Variants in LGSN observed in about 807,000 individuals in gnomAD.
LGSN encodes lengsin, lens protein with glutamine synthetase domain, also known as lengsin.
A neutral mutation model predicts 19.5 loss-of-function variants in LGSN; 21 were observed. The ratio of observed to expected loss-of-function variants is 1.07; its 90% confidence interval spans 0.76 to 1.55. The LOEUF (loss-of-function observed/expected upper bound fraction) is 1.55. Ranked by LOEUF, LGSN falls within the 40% of genes most tolerant of loss-of-function variation. The pLI is 0.00. For missense variants in LGSN, 673 were observed against 608.5 expected (o/e 1.11, Z -1.12); for synonymous variants, 257 against 215.6 (o/e 1.19, Z -1.68).
At chr6:63,355,630 G>T in the LGSN span, among the ~76,000 whole-genome samples, 1 of 152,094 alleles carries the variant, frequency 6.6e-6, no homozygotes. Context: ...TCGTTTGCTG[G>T]CAATCTTTGG....
intron 1 of LGSN, among the ~76,000 whole-genome samples, chr6:63,318,596 G>A (rs779723686): frequency 5.3e-5 from 8 of 152,138 alleles, no homozygotes; most frequent in East Asian, 1.9e-4. Context: ...GACAGAGAAT[G>A]TCTCTTGCTG....
chr6:63,557,081 G>A, the LGSN span, among the ~76,000 whole-genome samples: 52 of 152,264 alleles, frequency 3.4e-4, no homozygotes, highest in African/African-American at 1.2e-3. Flanking sequence ...ACTGTGTTAA[G>A]CACAGGGAAA....
At chr6:63,470,348 C>A in the LGSN span, among the ~76,000 whole-genome samples, 1 of 151,942 alleles carries the variant, frequency 6.6e-6, no homozygotes, top group African/African-American at 2.4e-5. Flanking sequence ...GTTATGTGCA[C>A]CTGTAGTCTC....
the LGSN span, among the ~76,000 whole-genome samples, chr6:63,502,642 C>G: frequency 1.3e-5 from 2 of 152,158 alleles, no homozygotes; most frequent in Non-Finnish European, 1.5e-5. Context: ...TATGATTTAT[C>G]AAGATACTCT....
chr6:63,442,360 C>G, the LGSN span, among the ~76,000 whole-genome samples: 2 of 152,308 alleles, frequency 1.3e-5, no homozygotes, highest in South Asian at 2.1e-4. Flanking sequence ...GCTGCTAGCT[C>G]GGGCAGCCTG....
chr6:63,488,265 A>T, the LGSN span, among the ~76,000 whole-genome samples: 1 of 152,160 alleles, frequency 6.6e-6, no homozygotes, highest in African/African-American at 2.4e-5. Flanking sequence ...CTCTAGATAT[A>T]TTATGTCATT....
Position 63,276,979 on chromosome 6 carries a change from C to G in LGSN, c.*3042G>C, listed in dbSNP as rs2053573324. 6.6e-6 allele frequency: 1 copy of G among 151,858 alleles called. No homozygotes were observed. Among genetic ancestry groups the G allele is most frequent in the Non-Finnish European group, 1.5e-5 (1 of 67,996 alleles). 9.4% of individuals were successfully genotyped at this position (151,858 alleles called of 1,614,324 possible). ...TGCCTTAAAGAACAAGAATATACAT[C>G]AGCACACACCTAACTGAAATCTTGG... On this transcript the variant is annotated 3_prime_UTR_variant, in exon 4 of 4. Transcript: ENST00000370657.
rs567564885 is a variant in LGSN, at chr6:63,309,160, C to T, written c.30+10754G>A. Reference sequence around the variant, plus strand: ...AAAAATAAGCGCTTCTGGCCGGGCGCGGTGGCTCACGTCTGTAATCCCAGC... The same window carrying T: ...AAAAATAAGCGCTTCTGGCCGGGCGTGGTGGCTCACGTCTGTAATCCCAGC... On this transcript the variant is annotated intron_variant, in intron 1 of 3. Coordinates refer to ENST00000370657, the MANE Select transcript of LGSN (RefSeq NM_016571.3). Among the ~76,000 whole-genome samples, 19 of 152,254 alleles carry T rather than the reference C, an allele frequency of 1.2e-4. No homozygotes were observed. The East Asian group carries it at 1.9e-3, about 15-fold the overall frequency.
chr6:63,546,439 C>G, the LGSN span, among the ~76,000 whole-genome samples: 1 of 152,196 alleles, frequency 6.6e-6, no homozygotes, highest in African/African-American at 2.4e-5. Context: ...GGTGCGGTGG[C>G]TCACGCATGT....
At chr6:63,532,995 A>G in the LGSN span, among the ~76,000 whole-genome samples, 1 of 152,200 alleles carries the variant, frequency 6.6e-6, no homozygotes. Context: ...CAGAAATATC[A>G]CCAGACACTG....
chr6:63,312,772 C>A (rs940814527), intron 1 of LGSN, among the ~76,000 whole-genome samples: 1 of 152,046 alleles, frequency 6.6e-6, no homozygotes, highest in Non-Finnish European at 1.5e-5. Context: ...TCTGGAGAAG[C>A]GGGCGAAATG....
chr6:63,391,079 T>C, the LGSN span, among the ~76,000 whole-genome samples: 1 of 152,184 alleles, frequency 6.6e-6, no homozygotes, highest in Non-Finnish European at 1.5e-5. Flanking sequence ...TATTATCAGA[T>C]CTCAAATAGC....
At chr6:63,484,560 A>C in the LGSN span, among the ~76,000 whole-genome samples, 1 of 152,126 alleles carries the variant, frequency 6.6e-6, no homozygotes, top group South Asian at 2.1e-4. Context: ...GACTACCCAG[A>C]TGTAAAGACC....
the LGSN span, among the ~76,000 whole-genome samples, chr6:63,412,619 GAAA>G: frequency 6.5e-5 from 9 of 138,120 alleles, no homozygotes; most frequent in Admixed American, 3.6e-4. Flanking sequence ...AAGGGAAAGG[GAAA>G]GAAGGGAAAG....
the LGSN span, among the ~76,000 whole-genome samples, chr6:63,412,767 G>T: frequency 5.9e-5 from 1 of 16,842 alleles, no homozygotes; most frequent in Non-Finnish European, 1.4e-4. Flanking sequence ...AAGAAAGAAA[G>T]AAAGGAAGGA....
At chr6:63,358,645 G>C in the LGSN span, among the ~76,000 whole-genome samples, 1 of 152,154 alleles carries the variant, frequency 6.6e-6, no homozygotes, top group Non-Finnish European at 1.5e-5. Context: ...TCTGTTATTG[G>C]TGTATAAGAA....
chr6:63,405,219 G>T, the LGSN span, among the ~76,000 whole-genome samples: 16,316 of 150,482 alleles, frequency 0.11, 1,601 homozygotes, highest in African/African-American at 0.28. Flanking sequence ...TGGACATTTG[G>T]GTTGGTTCCA....
At chr6:63,362,406 A>T in the LGSN span, among the ~76,000 whole-genome samples, 2 of 152,176 alleles carry the variant, frequency 1.3e-5, no homozygotes, top group Non-Finnish European at 2.9e-5. Context: ...GCATCGCCTC[A>T]CTCCAGAAGT....
At chr6:63,433,170 G>A in the LGSN span, among the ~76,000 whole-genome samples, 1 of 151,904 alleles carries the variant, frequency 6.6e-6, no homozygotes, top group Admixed American at 6.6e-5. Flanking sequence ...GGAAAGTTGG[G>A]GGGGTGGTAA....
Sources: allele counts gnomAD v4.1 joint callset (sites outside exome capture counted in the v4.1 genomes callset), GRCh38; gene constraint gnomAD v4.1.1; transcripts MANE v1.5; gene names NCBI Gene and HGNC (gene_info 2026-07-23, HGNC 2026-07-21).